Variants in SPAG16 observed in about 807,000 individuals in gnomAD.
The protein encoded by SPAG16 is sperm associated antigen 16.
In SPAG16, 86 loss-of-function variants were observed where a neutral mutation model predicts 80.4. The observed-to-expected ratio is 1.07, with a 90% CI of 0.90 to 1.28. The LOEUF is 1.28. Among genes scored for constraint, SPAG16 ranks in the 50% most tolerant of loss-of-function variants. The pLI is 0.00. For missense variants in SPAG16, 870 were observed against 765.3 expected (o/e 1.14, Z -1.61); for synonymous variants, 294 against 265.9 (o/e 1.11, Z -1.03).
chr2:213,878,163 TATA>T (rs2076208026), intron 11 of SPAG16, among the ~76,000 whole-genome samples: 1 of 152,194 alleles, frequency 6.6e-6, no homozygotes, highest in Admixed American at 6.5e-5. Context: ...ATATTATTGA[TATA>T]ATAATTTCTT....
At chr2:213,403,603 C>T (rs2068448624) in intron 9 of SPAG16, among the ~76,000 whole-genome samples, 2 of 152,260 alleles carry the variant, frequency 1.3e-5, no homozygotes, top group East Asian at 3.9e-4. Flanking sequence ...CAATATCATA[C>T]TGAATGGGCA....
intron 15 of SPAG16, among the ~76,000 whole-genome samples, chr2:214,160,880 T>A (rs2056408596): frequency 6.6e-6 from 1 of 152,132 alleles, no homozygotes; most frequent in Non-Finnish European, 1.5e-5. Flanking sequence ...GCTGTAATGA[T>A]GGATGCATAA....
At chr2:214,219,384 T>C (rs1359109142) in intron 15 of SPAG16, among the ~76,000 whole-genome samples, 3 of 145,544 alleles carry the variant, frequency 2.1e-5, no homozygotes, top group Admixed American at 2.0e-4. Context: ...TAGAATTATT[T>C]GATAACTTAT....
At chr2:213,615,188 C>T (rs2061552264) in intron 10 of SPAG16, among the ~76,000 whole-genome samples, 1 of 152,196 alleles carries the variant, frequency 6.6e-6, no homozygotes, top group Non-Finnish European at 1.5e-5. Flanking sequence ...AGTTGCAATC[C>T]TCATGTCTTG....
At chr2:213,602,442 G>A (rs1220614274) in intron 10 of SPAG16, among the ~76,000 whole-genome samples, 1 of 152,036 alleles carries the variant, frequency 6.6e-6, no homozygotes, top group Non-Finnish European at 1.5e-5. Context: ...GACCATCCTG[G>A]CCAACATGGT....
chr2:213,370,629 AC>A (rs750837161), intron 8 of SPAG16, among the ~76,000 whole-genome samples: 2 of 152,228 alleles, frequency 1.3e-5, no homozygotes, highest in African/African-American at 2.4e-5. Flanking sequence ...TGATGTTTGC[AC>A]CAATTAATCT....
At chr2:213,743,418 G>T (rs992535523) in intron 10 of SPAG16, among the ~76,000 whole-genome samples, 4 of 152,120 alleles carry the variant, frequency 2.6e-5, no homozygotes, top group African/African-American at 9.7e-5. Flanking sequence ...ACTTCCTTCT[G>T]TCCAAAGTAT....
At chr2:213,802,548 T>C (rs541112101) in intron 10 of SPAG16, among the ~76,000 whole-genome samples, 1 of 152,250 alleles carries the variant, frequency 6.6e-6, no homozygotes, top group Admixed American at 6.5e-5. Context: ...TGAGAAAGAA[T>C]AGTTTCTTTT....
At chr2:213,836,322 T>A (rs1375792091) in intron 10 of SPAG16, among the ~76,000 whole-genome samples, 1 of 152,162 alleles carries the variant, frequency 6.6e-6, no homozygotes, top group Non-Finnish European at 1.5e-5. Flanking sequence ...TTACAAAGTT[T>A]TAAACTAAAT....
chr2:213,505,255 G>A (rs1205590946), intron 10 of SPAG16, among the ~76,000 whole-genome samples: 1 of 152,088 alleles, frequency 6.6e-6, no homozygotes, highest in Non-Finnish European at 1.5e-5. Flanking sequence ...AATGTACAAT[G>A]TCAAAACTAC....
chr2:213,422,422 C>G, intron 9 of SPAG16: 1 of 627,778 alleles, frequency 1.6e-6, no homozygotes, highest in South Asian at 1.8e-5. Context: ...GTGGCTGGAC[C>G]TGGTTCTCAC....
intron 4 of SPAG16, among the ~76,000 whole-genome samples, chr2:213,315,632 C>T (rs2063369276): frequency 6.6e-6 from 1 of 151,966 alleles, no homozygotes; most frequent in Admixed American, 6.6e-5. Flanking sequence ...GCCACTTCCT[C>T]ATTTCCTAGT....
chr2:213,316,179 A>G (rs1195872290), intron 4 of SPAG16, among the ~76,000 whole-genome samples: 2 of 151,878 alleles, frequency 1.3e-5, no homozygotes. Context: ...TACTCCAGCC[A>G]CTCTGCTCCT....
rs58069845 is a variant in SPAG16 at position 214,327,695 on chromosome 2, ATTT to A, written c.1721-82433_1721-82431del. Among the ~76,000 whole-genome samples, 631 of 149,164 alleles carry A rather than the reference ATTT, an allele frequency of 4.2e-3. 2 individuals are homozygous for A. The highest frequency in any genetic ancestry group is 0.012 in the African/African-American group (487 of 40,842). ...ATAATGTGCAGATTCTAGATATCAA[ATTT>A]TTTTTTTTTTTGCATCCTCTCTTGG... On this transcript the variant is annotated intron_variant, in intron 15 of 15. Transcript: ENST00000331683.
At chr2:213,768,921 A>G (rs969423179) in intron 10 of SPAG16, among the ~76,000 whole-genome samples, 1 of 152,200 alleles carries the variant, frequency 6.6e-6, no homozygotes, top group African/African-American at 2.4e-5. Flanking sequence ...AGGCTATAAC[A>G]TAGAGAATCC....
intron 10 of SPAG16, among the ~76,000 whole-genome samples, chr2:213,597,413 G>T (rs866461751): frequency 1.3e-5 from 2 of 151,220 alleles, no homozygotes; most frequent in African/African-American, 4.9e-5. Context: ...CCTCGTTCTT[G>T]CCAACCACAG....
chr2:213,747,667 C>T (rs2067889937), intron 10 of SPAG16, among the ~76,000 whole-genome samples: 1 of 152,206 alleles, frequency 6.6e-6, no homozygotes, highest in Non-Finnish European at 1.5e-5. Flanking sequence ...GAGCAACAGG[C>T]TAGACCATAT....
At chr2:213,567,307 G>A (rs1003679966) in intron 10 of SPAG16, among the ~76,000 whole-genome samples, 1 of 128,644 alleles carries the variant, frequency 7.8e-6, no homozygotes, top group African/African-American at 3.1e-5. Flanking sequence ...ATGTATACAT[G>A]TGCCATGCTG....
At chr2:213,885,275 G>C (rs1363285156) in intron 11 of SPAG16, among the ~76,000 whole-genome samples, 1 of 152,142 alleles carries the variant, frequency 6.6e-6, no homozygotes, top group Admixed American at 6.6e-5. Flanking sequence ...CCAGAAGATA[G>C]CATTTATTAG....
Sources: allele counts gnomAD v4.1 joint callset (sites outside exome capture counted in the v4.1 genomes callset), GRCh38; gene constraint gnomAD v4.1.1; transcripts MANE v1.5; gene names NCBI Gene and HGNC (gene_info 2026-07-23, HGNC 2026-07-21).